The following ZNF148 variants were observed in gnomAD, a reference collection of about 807,000 sequenced individuals.
ZNF148 encodes the protein Beta-Enolase Repressor Factor-1.
A neutral mutation model predicts 67.7 loss-of-function variants in ZNF148; 7 were observed. The ratio of observed to expected loss-of-function variants is 0.10; its 90% CI spans 0.06 to 0.19. The LOEUF is 0.19. Among genes scored for constraint, ZNF148 ranks in the 10% least tolerant of loss-of-function variants. The pLI is 1.00. For synonymous variants in ZNF148, 333 were observed against 330.7 expected (o/e 1.01, Z -0.08); for missense variants, 583 against 947.1 (o/e 0.62, Z 5.05).
intron 4 of ZNF148, among the ~76,000 whole-genome samples, chr3:125,301,564 CAAAAT>C (rs1316337171): frequency 6.6e-5 from 10 of 152,070 alleles, no homozygotes; most frequent in African/African-American, 2.4e-4. Flanking sequence ...TTGAACTAAC[CAAAAT>C]AAGTTAACAT....
At chr3:125,289,301 A>G (rs1256384200) in intron 4 of ZNF148, among the ~76,000 whole-genome samples, 1 of 152,196 alleles carries the variant, frequency 6.6e-6, no homozygotes, top group Non-Finnish European at 1.5e-5. Context: ...GGTTCACGAG[A>G]AAAAATGCAA....
chr3:125,319,241 T>TA (rs1445528939), intron 3 of ZNF148, among the ~76,000 whole-genome samples: 14 of 152,342 alleles, frequency 9.2e-5, no homozygotes, highest in African/African-American at 3.1e-4. Context: ...TGTAAGTAAT[T>TA]AAAAACTAAG....
chr3:125,337,562 A>C (rs1399386610), intron 1 of ZNF148, among the ~76,000 whole-genome samples: 1 of 152,254 alleles, frequency 6.6e-6, no homozygotes, highest in Non-Finnish European at 1.5e-5. Context: ...ACTTTGTACT[A>C]TGATGATCAA....
intron 3 of ZNF148, 90 bp from the exon 4 acceptor site, chr3:125,313,746 C>T (rs1333438053): frequency 6.8e-6 from 7 of 1,035,544 alleles, no homozygotes; most frequent in Non-Finnish European, 9.6e-6. Context: ...TTTGAACATT[C>T]AAATACAAAG....
At chr3:125,358,967 T>C (rs1942454176) in intron 1 of ZNF148, among the ~76,000 whole-genome samples, 1 of 152,260 alleles carries the variant, frequency 6.6e-6, no homozygotes, top group African/African-American at 2.4e-5. Flanking sequence ...CTTCTCTCCA[T>C]GTCTACTATA....
chr3:125,374,319 T>C (rs1942987584), intron 1 of ZNF148, among the ~76,000 whole-genome samples: 1 of 152,066 alleles, frequency 6.6e-6, no homozygotes, highest in Non-Finnish European at 1.5e-5. Context: ...CCAATATTTA[T>C]TAATTATACT....
intron 3 of ZNF148, among the ~76,000 whole-genome samples, chr3:125,320,486 T>C (rs1940720497): frequency 1.3e-5 from 2 of 152,198 alleles, no homozygotes; most frequent in Admixed American, 1.3e-4. Context: ...TTAGAGATCC[T>C]ACGTTTCTGT....
intron 4 of ZNF148, chr3:125,311,201 C>A: frequency 6.1e-6 from 1 of 163,080 alleles, no homozygotes; most frequent in Non-Finnish European, 1.4e-5. Flanking sequence ...TGGTGCTGTA[C>A]TGTTTAATTT....
intron 3 of ZNF148, among the ~76,000 whole-genome samples, chr3:125,321,752 AT>A (rs1201316272): frequency 6.6e-6 from 1 of 152,194 alleles, no homozygotes; most frequent in Non-Finnish European, 1.5e-5. Context: ...ATTACATTTT[AT>A]GCAAATATCA....
intron 7 of ZNF148, among the ~76,000 whole-genome samples, chr3:125,259,506 CCACAATAAAGCTAACAT>C (rs1263322284): frequency 2.6e-5 from 4 of 152,130 alleles, no homozygotes; most frequent in Admixed American, 6.5e-5. Flanking sequence ...TTCCAGACAA[CCACAATAAAGCTAACAT>C]CACAATAAAG....
chr3:125,300,402 T>C (rs1939524947), intron 4 of ZNF148, among the ~76,000 whole-genome samples: 1 of 152,154 alleles, frequency 6.6e-6, no homozygotes, highest in South Asian at 2.1e-4. Flanking sequence ...AAATAAACTT[T>C]AAAAGAAATG....
chr3:125,291,175 C>T (rs748183307), intron 4 of ZNF148, among the ~76,000 whole-genome samples: 2 of 152,094 alleles, frequency 1.3e-5, no homozygotes, highest in Admixed American at 1.3e-4. Flanking sequence ...CAACATCCTG[C>T]ACCCATACCC....
At chr3:125,304,816 T>G (rs763256983) in intron 4 of ZNF148, among the ~76,000 whole-genome samples, 1 of 152,168 alleles carries the variant, frequency 6.6e-6, no homozygotes. Context: ...CACCCAGACC[T>G]TGGCTTCTAA....
At chr3:125,249,120 G>T (rs897995731) in intron 7 of ZNF148, among the ~76,000 whole-genome samples, 3 of 152,130 alleles carry the variant, frequency 2.0e-5, no homozygotes, top group African/African-American at 7.2e-5. Flanking sequence ...ATGGGTCTTG[G>T]TAATGATTTT....
intron 7 of ZNF148, among the ~76,000 whole-genome samples, chr3:125,250,190 T>C (rs1201517013): frequency 1.3e-5 from 2 of 152,212 alleles, no homozygotes; most frequent in African/African-American, 4.8e-5. Flanking sequence ...TTATGTGAAG[T>C]GATGGTTATG....
intron 4 of ZNF148, among the ~76,000 whole-genome samples, chr3:125,307,699 C>T (rs1204122307): frequency 6.6e-6 from 1 of 152,094 alleles, no homozygotes; most frequent in East Asian, 1.9e-4. Flanking sequence ...GGCTGGAGTA[C>T]AATGGTGTGA....
intron 7 of ZNF148, among the ~76,000 whole-genome samples, chr3:125,247,780 C>A (rs1472385935): frequency 2.0e-5 from 3 of 152,154 alleles, no homozygotes; most frequent in African/African-American, 7.2e-5. Flanking sequence ...AGGTTTTAAA[C>A]TTCCACTTTA....
intron 2 of ZNF148, among the ~76,000 whole-genome samples, chr3:125,329,881 T>C (rs1941208151): frequency 6.6e-6 from 1 of 152,154 alleles, no homozygotes; most frequent in African/African-American, 2.4e-5. Context: ...TGGTGTGATC[T>C]CATTTGTGTA....
At chr3:125,253,020 G>A (rs7623450) in intron 7 of ZNF148, among the ~76,000 whole-genome samples, 117,181 of 151,978 alleles carry the variant, frequency 0.77, 45,713 homozygotes, top group African/African-American at 0.85. Flanking sequence ...CTCCCCTCCC[G>A]TTCTCTCCCC....
Sources: gnomAD v4.1 joint callset for allele counts (sites outside exome capture counted in the v4.1 genomes callset) on GRCh38, gnomAD v4.1.1 for gene constraint, MANE v1.5 for transcripts, NCBI Gene and HGNC (gene_info 2026-07-23, HGNC 2026-07-21) for gene names.